SEPTIN6: variants seen among roughly 807,000 people sequenced by gnomAD.
SEPTIN6 encodes septin-6.
Under a neutral mutation model 33.6 loss-of-function variants are expected in SEPTIN6, and 8 were observed. The ratio of observed to expected loss-of-function variants is 0.24; its 90% confidence interval spans 0.14 to 0.43. The LOEUF (loss-of-function observed/expected upper bound fraction) is 0.43. SEPTIN6 is among the 20% of genes least tolerant of loss of function. The pLI, the probability that SEPTIN6 is intolerant of heterozygous loss-of-function variation, is 1.00. For missense variants in SEPTIN6, 250 were observed against 340.8 expected (o/e 0.73, Z 2.10); for synonymous variants, 131 against 140.0 (o/e 0.94, Z 0.45).
Position 119,618,485 on chromosome X carries a change from T to C in SEPTIN6, c.*1608A>G. On this transcript the variant is annotated 3_prime_UTR_variant, in exon 11 of 11. Transcript: ENST00000394610. ...CAATACTTCAAAAAGGCCTGGAAAT[T>C]TGGCATAACCTTGTTTGACTGTGTG... 1 of 913,197 alleles carries C rather than the reference T, an allele frequency of 1.1e-6. No individual in the cohort carries two copies. Among genetic ancestry groups the C allele is most frequent in the Non-Finnish European group, 1.4e-6 (1 of 739,350 alleles). 75.3% of individuals were successfully genotyped at this position (913,197 alleles called of 1,213,427 possible). A position where few individuals can be genotyped will look rare whatever the true frequency, so the allele number is the denominator to read the frequency against.
At chrX:119,677,239 G>T (rs1249054837) in intron 1 of SEPTIN6, among the ~76,000 whole-genome samples, 1 of 112,028 alleles carries the variant, frequency 8.9e-6, no homozygotes, top group East Asian at 2.8e-4. Flanking sequence ...CCTTTGCTTC[G>T]CCTGCAAGGC....
At position 119,618,368 on chromosome X, in the gene SEPTIN6, A is replaced by G; in HGVS notation, c.*1725T>C. The G allele has an allele frequency of 1.2e-6, 1 of 822,186 alleles. No individual in the cohort carries two copies. The highest frequency in any genetic ancestry group is 2.1e-5 in the African/African-American group (1 of 46,866). 67.8% of individuals were successfully genotyped at this position (822,186 alleles called of 1,213,427 possible). A position where few individuals can be genotyped will look rare whatever the true frequency, so the allele number is the denominator to read the frequency against. ...AACCTATATTCTTGCTTTGTCAACA[A>G]GAAAAGTGCGTGCATATGTTTGCTT... On this transcript the variant is annotated 3_prime_UTR_variant, in exon 11 of 11. Transcript: ENST00000394610.
At chrX:119,684,399 C>A (rs1236423277) in intron 1 of SEPTIN6, among the ~76,000 whole-genome samples, 2 of 110,433 alleles carry the variant, frequency 1.8e-5, no homozygotes, top group Non-Finnish European at 3.8e-5. Context: ...TAGCTGATAG[C>A]TTCCTCTGCT....
At chrX:119,681,617 A>T (rs1220951528) in intron 1 of SEPTIN6, among the ~76,000 whole-genome samples, 2 of 112,196 alleles carry the variant, frequency 1.8e-5, no homozygotes, top group Non-Finnish European at 3.8e-5. Context: ...TAACCAAATT[A>T]TGGTACACGC....
chrX:119,658,013 G>C (rs1004625712), intron 3 of SEPTIN6, among the ~76,000 whole-genome samples: 1 of 111,135 alleles, frequency 9.0e-6, no homozygotes, highest in African/African-American at 3.3e-5. Context: ...TGTAGTCCCA[G>C]CTACTCGGGC....
rs551582412 is a variant in SEPTIN6, at chrX:119,636,101, G to A, written c.956+926C>T. On this transcript the variant is annotated intron_variant, in intron 7 of 10. Transcript: ENST00000394610. ...AGCATGGCTTCCCCCAGCCCCACCTGTCAGTATATAGGGCATGAGCCTGTC... is the reference window on the plus strand; with the variant it reads ...AGCATGGCTTCCCCCAGCCCCACCTATCAGTATATAGGGCATGAGCCTGTC... 1.2e-3 allele frequency among the ~76,000 whole-genome samples: 135 copies of A among 111,527 alleles called. 2 individuals are homozygous for A. In the South Asian group the frequency reaches 0.049, roughly 40 times the overall value.
chrX:119,676,131 C>T (rs369503343), intron 1 of SEPTIN6, among the ~76,000 whole-genome samples: 7 of 111,780 alleles, frequency 6.3e-5, no homozygotes, highest in Non-Finnish European at 1.3e-4. Flanking sequence ...TTAGTATATG[C>T]AGAAGTATTC....
intron 1 of SEPTIN6, among the ~76,000 whole-genome samples, chrX:119,686,203 C>T (rs1040820951): frequency 1.8e-5 from 2 of 112,292 alleles, no homozygotes; most frequent in South Asian, 7.4e-4. Flanking sequence ...GAATTTGCCT[C>T]TGCCTCCATC....
At chrX:119,669,237 A>T (rs373042666) in intron 2 of SEPTIN6, among the ~76,000 whole-genome samples, 1 of 113,311 alleles carries the variant, frequency 8.8e-6, no homozygotes, top group Non-Finnish European at 1.9e-5. Context: ...CATAGGCGTG[A>T]TACGTTTGTT....
intron 1 of SEPTIN6, among the ~76,000 whole-genome samples, chrX:119,688,850 T>G (rs1029892761): frequency 1.8e-5 from 2 of 111,556 alleles, no homozygotes; most frequent in African/African-American, 6.5e-5. Context: ...TAAACTTTCT[T>G]CCGTGTTGTA....
chrX:119,619,950 G>T lies in SEPTIN6; in HGVS notation c.*143C>A. 8.5e-7 allele frequency: 1 copy of T among 1,182,195 alleles called. No homozygotes were observed. Among genetic ancestry groups the T allele is most frequent in the Non-Finnish European group, 1.1e-6 (1 of 884,518 alleles). On this transcript the variant is annotated 3_prime_UTR_variant, in exon 11 of 11. Coordinates refer to ENST00000394610, the MANE Select transcript of SEPTIN6 (RefSeq NM_145799.4). Reference sequence around the variant, plus strand: ...CCTTGGCAGGAAGAGAGGAGAGGGCGCGGGTTGGATTGTATGCCCCCCAGG... The same window carrying T: ...CCTTGGCAGGAAGAGAGGAGAGGGCTCGGGTTGGATTGTATGCCCCCCAGG...
intron 9 of SEPTIN6, among the ~76,000 whole-genome samples, chrX:119,625,786 A>G (rs1307248280): frequency 9.0e-6 from 1 of 111,719 alleles, no homozygotes; most frequent in African/African-American, 3.3e-5. Flanking sequence ...TCCTGGACTC[A>G]AGCAATCCTT....
intron 3 of SEPTIN6, among the ~76,000 whole-genome samples, chrX:119,658,097 C>G (rs907140798): frequency 8.9e-6 from 1 of 111,898 alleles, no homozygotes; most frequent in Non-Finnish European, 1.9e-5. Flanking sequence ...ACTGCACTCC[C>G]GTCTGGGCAA....
intron 5 of SEPTIN6, chrX:119,646,630 AC>A (rs768932789): frequency 4.1e-4 from 51 of 124,926 alleles, no homozygotes; most frequent in Non-Finnish European, 1.8e-5. Flanking sequence ...GGTGGCAGGG[AC>A]CTCATTACTC....
At chrX:119,626,493 T>C (rs1013758284) in intron 9 of SEPTIN6, among the ~76,000 whole-genome samples, 10 of 111,695 alleles carry the variant, frequency 9.0e-5, no homozygotes, top group African/African-American at 2.9e-4. Context: ...ATCTTAAAAA[T>C]AGGAATTCAT....
At chrX:119,678,525 A>AT (rs2054886445) in intron 1 of SEPTIN6, among the ~76,000 whole-genome samples, 4 of 108,986 alleles carry the variant, frequency 3.7e-5, no homozygotes, top group African/African-American at 1.4e-4. Context: ...TCTCAAAAAA[A>AT]AAAAAATAAA....
Position 119,650,201 on chromosome X carries a change from A to T in SEPTIN6, c.529-103T>A. ...GCTGCCAGAGGGAGCCGCTCAGCCC[A>T]GTGGTCAAAGACTGGCCACTTCTGT... On this transcript the variant is annotated intron_variant, in intron 4 of 10. Transcript: ENST00000394610. 4 of 814,868 alleles carry T rather than the reference A, an allele frequency of 4.9e-6. No individual in the cohort carries two copies. The Admixed American group carries it at 7.3e-5, about 15-fold the overall frequency. 67.2% of individuals were successfully genotyped at this position (814,868 alleles called of 1,213,427 possible). A position where few individuals can be genotyped will look rare whatever the true frequency, so the allele number is the denominator to read the frequency against.
At chrX:119,675,866 T>A (rs984884451) in intron 1 of SEPTIN6, among the ~76,000 whole-genome samples, 198 bp from the exon 2 acceptor site, 1 of 110,922 alleles carries the variant, frequency 9.0e-6, no homozygotes, top group African/African-American at 3.3e-5. Context: ...GGGACAGGCA[T>A]CCTCTAGGCT....
chrX:119,658,902 A>T (rs12007248), intron 3 of SEPTIN6, among the ~76,000 whole-genome samples: 9,805 of 111,761 alleles, frequency 0.088, 330 homozygotes, highest in South Asian at 0.13. Flanking sequence ...TTATTTAGGC[A>T]GCAAATATCT....
Sources: allele counts gnomAD v4.1 joint callset (sites outside exome capture counted in the v4.1 genomes callset), GRCh38; gene constraint gnomAD v4.1.1; transcripts MANE v1.5; gene names NCBI Gene and HGNC (gene_info 2026-07-23, HGNC 2026-07-21).